The following CEP112 variants were observed in gnomAD, a reference collection of about 807,000 sequenced individuals.
CEP112 encodes the protein centrosomal protein of 112 kDa.
A neutral mutation model predicts 153.0 loss-of-function variants in CEP112; 127 were observed. The observed-to-expected ratio is 0.83, with a 90% CI of 0.72 to 0.96. The LOEUF is 0.96. Among genes scored for constraint, CEP112 ranks in the 40% least tolerant of loss-of-function variants. The pLI is 0.00. For synonymous variants in CEP112, 358 were observed against 374.4 expected, an observed-to-expected ratio of 0.96 and a Z score of 0.51; for missense variants, 1,089 against 1,101.2, an observed-to-expected ratio of 0.99 and a Z score of 0.16.
intron 6 of CEP112, among the ~76,000 whole-genome samples, chr17:66,105,441 A>G (rs1244662199): frequency 6.6e-6 from 1 of 152,164 alleles, no homozygotes; most frequent in Non-Finnish European, 1.5e-5. Context: ...CTTATCAATA[A>G]TAACATTCAA....
chr17:66,148,419 T>C (rs906389373), intron 4 of CEP112, among the ~76,000 whole-genome samples: 4 of 152,190 alleles, frequency 2.6e-5, no homozygotes, highest in Admixed American at 1.3e-4. Flanking sequence ...TTGACAGAGA[T>C]TGTATGGCAT....
At chr17:66,029,399 G>A (rs889539216) in intron 13 of CEP112, 147 bp from the exon 14 acceptor site, 31 of 729,148 alleles carry the variant, frequency 4.3e-5, no homozygotes, top group Non-Finnish European at 6.5e-5. Flanking sequence ...TAAACATTCT[G>A]CTTATGTTAA....
rs778601748 is a variant in CEP112, at chr17:65,961,539, G to A, written c.1796C>T (p.Ala599Val). 2.5e-6 allele frequency: 4 copies of A among 1,613,502 alleles called. No individual in the cohort carries two copies. In the African/African-American group the frequency reaches 5.3e-5, roughly 22 times the overall value. ...TEVQRLQAQQ[A>V]DAALEEFKRQ... Reference sequence around the variant, plus strand: ...CTTAAACTCTTCCAGAGCGGCATCTGCCTGCTGGGCCTGCAACCTCTGAAC... The same window carrying A: ...CTTAAACTCTTCCAGAGCGGCATCTACCTGCTGGGCCTGCAACCTCTGAAC... The change falls in exon 18 of 27, where the codon GCA (alanine) becomes GTA (valine). Residue 599 changes from alanine to valine, a missense_variant. Ala to Val is a moderately conservative substitution (Grantham distance 64). Coordinates refer to ENST00000535342, the MANE Select transcript of CEP112 (RefSeq NM_001199165.4).
At chr17:65,969,173 C>G (rs578019540) in intron 17 of CEP112, among the ~76,000 whole-genome samples, 2 of 151,230 alleles carry the variant, frequency 1.3e-5, no homozygotes, top group Non-Finnish European at 2.9e-5. Context: ...CCTCTGCCTC[C>G]TGGGTTCAAG....
At chr17:66,094,338 C>T (rs1209745872) in intron 8 of CEP112, among the ~76,000 whole-genome samples, 5 of 152,006 alleles carry the variant, frequency 3.3e-5, no homozygotes, top group African/African-American at 4.8e-5. Context: ...CAATTACAGG[C>T]GTGAGCCACC....
At position 66,125,947 on chromosome 17, in the gene CEP112, T is replaced by C. The variant is rs542728453; in HGVS notation, c.642+3799A>G. ...TTTCTTTTAAACCATCAGTCAATAATGACCATGATTTTTAGTGCTAAATTT... is the reference window on the plus strand; with the variant it reads ...TTTCTTTTAAACCATCAGTCAATAACGACCATGATTTTTAGTGCTAAATTT... On this transcript the variant is annotated intron_variant, in intron 6 of 26. Transcript: ENST00000535342. Among the ~76,000 whole-genome samples, 5 of 152,338 alleles carry C rather than the reference T, an allele frequency of 3.3e-5. No homozygotes were observed. The East Asian group carries it at 9.6e-4, about 29-fold the overall frequency.
At chr17:65,922,583 A>G (rs1301620615) in intron 19 of CEP112, among the ~76,000 whole-genome samples, 3 of 152,064 alleles carry the variant, frequency 2.0e-5, no homozygotes, top group Non-Finnish European at 2.9e-5. Flanking sequence ...CCATGTGATT[A>G]TCATCAAAAT....
chr17:65,635,888 T>A lies in CEP112; in HGVS notation c.*83A>T. The A allele has an allele frequency of 6.9e-7, 1 of 1,439,660 alleles. No homozygotes were observed. Among genetic ancestry groups the A allele is most frequent in the Non-Finnish European group, 9.6e-7 (1 of 1,044,290 alleles). The allele number at this position is 1,439,660 out of a possible 1,614,324, so 89.2% of individuals were successfully genotyped here. ...TAAAAAATGCCACTGATCTCACAGTTTACAATATCCAAATCTTCAAACCTG... is the reference window on the plus strand; with the variant it reads ...TAAAAAATGCCACTGATCTCACAGTATACAATATCCAAATCTTCAAACCTG... On this transcript the variant is annotated 3_prime_UTR_variant, in exon 27 of 27. Coordinates refer to ENST00000535342, the MANE Select transcript of CEP112 (RefSeq NM_001199165.4).
chr17:65,670,456 T>C (rs1269914762), intron 24 of CEP112, among the ~76,000 whole-genome samples: 1 of 152,094 alleles, frequency 6.6e-6, no homozygotes, highest in Non-Finnish European at 1.5e-5. Flanking sequence ...CATTTATTAT[T>C]CTTTGTCCCC....
chr17:65,883,283 A>ATATATATAT (rs1384181334), intron 20 of CEP112, among the ~76,000 whole-genome samples: 5 of 141,332 alleles, frequency 3.5e-5, no homozygotes, highest in African/African-American at 1.3e-4. Flanking sequence ...TATATATATG[A>ATATATATAT]AGTGTATATA....
At chr17:66,163,631 T>A (rs1354971754) in intron 4 of CEP112, among the ~76,000 whole-genome samples, 1 of 152,104 alleles carries the variant, frequency 6.6e-6, no homozygotes, top group Non-Finnish European at 1.5e-5. Flanking sequence ...CACAGATCCA[T>A]AAACACTTTA....
Position 66,030,033 on chromosome 17 carries a change from C to G in CEP112, c.1219-10G>C. 6.2e-7 allele frequency: 1 copy of G among 1,611,814 alleles called. No homozygotes were observed. Among genetic ancestry groups the G allele is most frequent in the Non-Finnish European group, 8.5e-7 (1 of 1,179,098 alleles). On this transcript the variant is annotated splice_polypyrimidine_tract_variant and intron_variant, in intron 12 of 26. Transcript: ENST00000535342. ...CTTTGATCATGTGGTTCTAAAAGAA[C>G]AGGTCATGGTTAAGAAAGTCTCTGA... is the stretch of plus-strand genomic sequence containing the variant.
At chr17:65,751,442 G>A (rs571436848) in intron 21 of CEP112, among the ~76,000 whole-genome samples, 3 of 152,128 alleles carry the variant, frequency 2.0e-5, no homozygotes, top group Middle Eastern at 3.2e-3. Flanking sequence ...TCACAGTGAC[G>A]TGCCCTAGAC....
chr17:66,122,037 G>A (rs188904264), intron 6 of CEP112, among the ~76,000 whole-genome samples: 64 of 152,176 alleles, frequency 4.2e-4, no homozygotes, highest in African/African-American at 1.5e-3. Context: ...TGGGACTACA[G>A]GTGTGCACCA....
intron 20 of CEP112, among the ~76,000 whole-genome samples, chr17:65,871,414 T>C (rs1040449409): frequency 1.3e-5 from 2 of 152,214 alleles, no homozygotes; most frequent in Non-Finnish European, 2.9e-5. Context: ...GGCAGGCAGA[T>C]CACGAGGTCA....
At position 66,083,769 on chromosome 17, in the gene CEP112, C is replaced by T. The variant is rs201473920; in HGVS notation, c.768+12482G>A. 4.6e-5 allele frequency among the ~76,000 whole-genome samples: 7 copies of T among 152,032 alleles called. 1 individual carries two copies. The East Asian group carries it at 5.8e-4, about 13-fold the overall frequency. ...GGGAGGCTGAGGCAGGAGAATTGCT[C>T]GAACCTGGGAGGCAGAGGTTGCAGT... On this transcript the variant is annotated intron_variant, in intron 8 of 26. Transcript: ENST00000535342.
intron 19 of CEP112, among the ~76,000 whole-genome samples, chr17:65,920,519 A>C (rs894147469): frequency 6.7e-6 from 1 of 148,852 alleles, no homozygotes; most frequent in East Asian, 2.0e-4. Flanking sequence ...TCCAGGGTAG[A>C]TCCTAATAAC....
At chr17:65,884,706 C>CTTTTTTTTT (rs11370374) in intron 20 of CEP112, among the ~76,000 whole-genome samples, 1 of 130,660 alleles carries the variant, frequency 7.7e-6, no homozygotes, top group Non-Finnish European at 1.6e-5. Context: ...TTTGTAGTTT[C>CTTTTTTTTT]TTTTTTTTTT....
intron 9 of CEP112, among the ~76,000 whole-genome samples, chr17:66,068,066 AT>A (rs1455492280): frequency 6.6e-6 from 1 of 152,194 alleles, no homozygotes; most frequent in Non-Finnish European, 1.5e-5. Context: ...TCTATTGTTA[AT>A]TTATATTATG....
Sources: allele counts gnomAD v4.1 joint callset (sites outside exome capture counted in the v4.1 genomes callset), GRCh38; gene constraint gnomAD v4.1.1; transcripts MANE v1.5; gene names NCBI Gene and HGNC (gene_info 2026-07-23, HGNC 2026-07-21).